Variants in LMO7 observed in about 807,000 individuals in gnomAD.
LMO7 encodes LIM domain only protein 7.
In LMO7, 120 loss-of-function variants were observed where a neutral mutation model predicts 206.5. The observed-to-expected ratio is 0.58, with a 90% CI of 0.50 to 0.68. The LOEUF is 0.68. LMO7 is among the 30% of genes least tolerant of loss of function. LMO7 has a pLI of 0.00. For missense variants in LMO7, 1,959 were observed against 1,957.9 expected, an observed-to-expected ratio of 1.00 and a Z score of -0.01; for synonymous variants, 706 against 681.5, an observed-to-expected ratio of 1.04 and a Z score of -0.56.
intron 20 of LMO7, 93 bp downstream of exon 20, chr13:75,838,289 C>T (rs2059296347): frequency 6.5e-7 from 1 of 1,537,804 alleles, no homozygotes; most frequent in East Asian, 2.3e-5. Context: ...CACTGAGCCT[C>T]TTCAATTTGT....
intron 21 of LMO7, 103 bp from the exon 22 acceptor site, chr13:75,840,288 A>C: frequency 6.9e-7 from 1 of 1,443,630 alleles, no homozygotes; most frequent in Non-Finnish European, 9.7e-7. Flanking sequence ...CAGTTTAAGC[A>C]AACTGTGATA....
intron 20 of LMO7, among the ~76,000 whole-genome samples, chr13:75,838,801 CTGCCTCACAA>C (rs1334552257): frequency 6.6e-6 from 1 of 152,150 alleles, no homozygotes; most frequent in Non-Finnish European, 1.5e-5. Flanking sequence ...TTGGGCAGGG[CTGCCTCACAA>C]TGTGCTGTGC....
intron 3 of LMO7, among the ~76,000 whole-genome samples, chr13:75,735,135 GTGTGTGTA>G (rs1221597327): frequency 8.9e-4 from 135 of 150,924 alleles, no homozygotes; most frequent in Middle Eastern, 3.4e-3. Context: ...GTGTGTGTGT[GTGTGTGTA>G]TGTATGTACA....
chr13:75,789,871 C>T (rs572404819), intron 4 of LMO7, among the ~76,000 whole-genome samples: 21 of 152,202 alleles, frequency 1.4e-4, no homozygotes, highest in African/African-American at 5.1e-4. Flanking sequence ...ATTCCAAACC[C>T]GATCATAAAT....
chr13:75,816,008 C>T (rs988250042), intron 11 of LMO7, among the ~76,000 whole-genome samples: 2 of 152,198 alleles, frequency 1.3e-5, no homozygotes, highest in African/African-American at 4.8e-5. Context: ...TTATTTTAAT[C>T]TGTCCTTTGG....
intron 3 of LMO7, among the ~76,000 whole-genome samples, chr13:75,739,731 C>T (rs887075906): frequency 5.9e-5 from 9 of 152,142 alleles, no homozygotes; most frequent in Admixed American, 5.9e-4. Context: ...TTTCCAGCAG[C>T]AATAGAAAAT....
At chr13:75,720,426 T>G (rs1032371645) in intron 2 of LMO7, among the ~76,000 whole-genome samples, 2 of 152,242 alleles carry the variant, frequency 1.3e-5, no homozygotes, top group Admixed American at 6.5e-5. Context: ...GTCTCTAGAC[T>G]TCCCCCTGTG....
At chr13:75,660,891 G>C (rs908642261) in intron 1 of LMO7, among the ~76,000 whole-genome samples, 6 of 152,120 alleles carry the variant, frequency 3.9e-5, no homozygotes, top group Non-Finnish European at 7.4e-5. Flanking sequence ...TTTCAGGTAG[G>C]GGGTAGGGTT....
At chr13:75,704,305 G>A (rs1252357742) in intron 1 of LMO7, among the ~76,000 whole-genome samples, 1 of 152,136 alleles carries the variant, frequency 6.6e-6, no homozygotes, top group Non-Finnish European at 1.5e-5. Flanking sequence ...GTACCACAGT[G>A]GTTTCTAACG....
chr13:75,836,271 A>G lies in LMO7; in HGVS notation c.3334-126A>G. The G allele has an allele frequency of 4.9e-6, 3 of 607,832 alleles. 1 individual carries two copies. The South Asian group carries it at 6.0e-5, about 12-fold the overall frequency. 37.7% of individuals were successfully genotyped at this position (607,832 alleles called of 1,614,324 possible). A position where few individuals can be genotyped will look rare whatever the true frequency, so the allele number is the denominator to read the frequency against. On this transcript the variant is annotated intron_variant, in intron 18 of 30. Transcript: ENST00000377534. ...GTTTCTACTACATGTAAAAGGCTGT[A>G]AGGAATGCATCAATATCCCGAGAAA...
At chr13:75,694,163 C>T (rs1260289475) in intron 1 of LMO7, among the ~76,000 whole-genome samples, 1 of 152,130 alleles carries the variant, frequency 6.6e-6, no homozygotes, top group Admixed American at 6.5e-5. Context: ...GATGATGATG[C>T]CATAAGGCAG....
intron 1 of LMO7, among the ~76,000 whole-genome samples, chr13:75,638,989 T>C (rs986285062): frequency 5.9e-5 from 9 of 152,316 alleles, no homozygotes; most frequent in Middle Eastern, 3.4e-3. Flanking sequence ...ATTGTATATG[T>C]ATGTACATAT....
At chr13:75,832,766 C>T (rs928460296) in intron 15 of LMO7, among the ~76,000 whole-genome samples, 3 of 152,056 alleles carry the variant, frequency 2.0e-5, no homozygotes, top group Admixed American at 1.3e-4. Flanking sequence ...GTACAGTGGG[C>T]AGAAACCTAA....
intron 3 of LMO7, among the ~76,000 whole-genome samples, chr13:75,736,611 T>G (rs776387222): frequency 2.0e-5 from 3 of 152,234 alleles, no homozygotes; most frequent in Non-Finnish European, 4.4e-5. Flanking sequence ...AGAGTTTACA[T>G]TCTAGTGAAG....
chr13:75,835,322 GA>G lies in LMO7; in HGVS notation c.3319del (p.Ser1107AlafsTer32). 1 of 1,602,548 alleles carries G rather than the reference GA, an allele frequency of 6.2e-7. No individual in the cohort carries two copies. Among genetic ancestry groups the G allele is most frequent in the East Asian group, 2.3e-5 (1 of 44,332 alleles). The stretch of plus-strand genomic sequence containing the variant: ...TCTATCTGTAACAACTGATTTCTCC[GA>G]AAGCCTTCAGAGTTCTGTGAGTATT... ...SNLSVTTDFSESLQSSNIESK... is the reference protein window; with the variant it reads ...SNLSVTTDFSXSLQSSNIESK... On this transcript the variant is annotated frameshift_variant, in exon 18 of 31. Coordinates refer to ENST00000377534, the MANE Select transcript of LMO7 (RefSeq NM_001306080.2). LOFTEE classifies it high-confidence loss of function.
chr13:75,712,899 T>G (rs1378251386), intron 1 of LMO7, among the ~76,000 whole-genome samples: 1 of 151,786 alleles, frequency 6.6e-6, no homozygotes, highest in Non-Finnish European at 1.5e-5. Context: ...AAATTTAGTT[T>G]AGCTCTTTTG....
chr13:75,633,038 T>G (rs1434808123), upstream of LMO7, among the ~76,000 whole-genome samples: 1 of 151,766 alleles, frequency 6.6e-6, no homozygotes, highest in African/African-American at 2.4e-5. Flanking sequence ...ACTTTTTTTG[T>G]ATTTTTAGTA....
chr13:75,673,338 A>C (rs1168144661), intron 1 of LMO7, among the ~76,000 whole-genome samples: 2 of 152,204 alleles, frequency 1.3e-5, no homozygotes, highest in African/African-American at 2.4e-5. Context: ...GTGTCTTCCC[A>C]GACACCCTTG....
At chr13:75,855,916 G>C (rs1461800585) in intron 29 of LMO7, among the ~76,000 whole-genome samples, 1 of 152,126 alleles carries the variant, frequency 6.6e-6, no homozygotes, top group Non-Finnish European at 1.5e-5. Flanking sequence ...ACTTGCATTG[G>C]GCCAGAGAAA....
Sources: gnomAD v4.1 joint callset for allele counts (sites outside exome capture counted in the v4.1 genomes callset) on GRCh38, gnomAD v4.1.1 for gene constraint, MANE v1.5 for transcripts, NCBI Gene and HGNC (gene_info 2026-07-23, HGNC 2026-07-21) for gene names.